Variants in STIM2 observed in about 807,000 individuals in gnomAD.
STIM2 encodes the protein stromal interaction molecule 2.
STIM2 carries 31 observed loss-of-function variants against 85.8 expected under a neutral mutation model. The ratio of observed to expected loss-of-function variants is 0.36; its 90% CI spans 0.27 to 0.49. STIM2 has a LOEUF of 0.49. STIM2 is among the 20% of genes least tolerant of loss of function. STIM2 has a pLI of 0.98. For missense variants in STIM2, 841 were observed against 927.6 expected, an observed-to-expected ratio of 0.91 and a Z score of 1.21; for synonymous variants, 356 against 331.1, an observed-to-expected ratio of 1.08 and a Z score of -0.82.
intron 1 of STIM2, among the ~76,000 whole-genome samples, chr4:26,916,268 T>C (rs1724576544): frequency 1.3e-5 from 2 of 152,178 alleles, no homozygotes; most frequent in African/African-American, 4.8e-5. Flanking sequence ...GAAATAAAAT[T>C]TCATGTGAAG....
chr4:26,904,534 A>G (rs1408482578), intron 1 of STIM2, among the ~76,000 whole-genome samples: 2 of 152,180 alleles, frequency 1.3e-5, no homozygotes, highest in Admixed American at 1.3e-4. Context: ...GCACGATAAC[A>G]TGAGAAATGA....
intron 2 of STIM2, among the ~76,000 whole-genome samples, chr4:26,920,189 C>G (rs1724746226): frequency 6.6e-6 from 1 of 152,156 alleles, no homozygotes; most frequent in African/African-American, 2.4e-5. Flanking sequence ...AGCTAGTGTT[C>G]CAAGAGGGTA....
intron 2 of STIM2, among the ~76,000 whole-genome samples, chr4:26,930,945 T>C (rs1725185573): frequency 6.6e-6 from 1 of 152,166 alleles, no homozygotes; most frequent in African/African-American, 2.4e-5. Flanking sequence ...TAGGTGGGTC[T>C]TCTGGCTCTG....
rs571902526 is a variant in STIM2, at chr4:26,922,738, T to G, written c.282+3104T>G. Among the ~76,000 whole-genome samples, 4 of 152,234 alleles carry G rather than the reference T, an allele frequency of 2.6e-5. No homozygotes were observed. In the South Asian group the frequency reaches 8.3e-4, roughly 32 times the overall value. ...TTAAAGTTACAACCCTCTAATTACT[T>G]GGTCTTTCTAGTAACCAGCTTTATC... is the stretch of plus-strand genomic sequence containing the variant. On this transcript the variant is annotated intron_variant, in intron 2 of 11. Transcript: ENST00000467087.
chr4:26,882,257 G>A (rs777841317), intron 1 of STIM2, among the ~76,000 whole-genome samples: 19 of 152,084 alleles, frequency 1.2e-4, no homozygotes, highest in Non-Finnish European at 2.1e-4. Flanking sequence ...ATCATGAAAA[G>A]GGTTGAGCTT....
intron 1 of STIM2, among the ~76,000 whole-genome samples, chr4:26,870,182 T>C (rs990380643): frequency 6.6e-6 from 1 of 152,100 alleles, no homozygotes; most frequent in African/African-American, 2.4e-5. Flanking sequence ...GATTCAGTTA[T>C]GCAACATAAA....
At chr4:26,893,064 C>A (rs1468695238) in intron 1 of STIM2, among the ~76,000 whole-genome samples, 3 of 152,172 alleles carry the variant, frequency 2.0e-5, no homozygotes, top group Admixed American at 6.5e-5. Context: ...AGAATCACTA[C>A]CCCTGCATCC....
chr4:26,962,634 C>G (rs1464337912), intron 3 of STIM2, among the ~76,000 whole-genome samples: 1 of 150,356 alleles, frequency 6.7e-6, no homozygotes, highest in Non-Finnish European at 1.5e-5. Context: ...AGAGAGAATG[C>G]TTGGTCAAGT....
chr4:27,002,363 G>T lies in STIM2; in HGVS notation c.772G>T (p.Ala258Ser). The change falls in exon 6 of 12, where the codon GCA (alanine) becomes TCA (serine). Residue 258 changes from alanine (A) to serine (S), a missense_variant. By Grantham distance (99) the Ala-to-Ser change is moderately conservative. Coordinates refer to ENST00000467087, the MANE Select transcript of STIM2 (RefSeq NM_020860.4). ...GAAAGATTTAGAGAGCTTACAAACT[G>T]CAGAGCAAAGTCTAATGGACTTACA... 1 of 1,611,972 alleles carries T rather than the reference G, an allele frequency of 6.2e-7. No individual in the cohort carries two copies. The highest frequency in any genetic ancestry group is 8.5e-7 in the Non-Finnish European group (1 of 1,179,444).
intron 2 of STIM2, among the ~76,000 whole-genome samples, chr4:26,931,579 T>C (rs1487416790): frequency 2.0e-5 from 3 of 152,150 alleles, no homozygotes. Flanking sequence ...AAGTTATCTA[T>C]TGAGTAGAGC....
rs1266544178 is a variant in STIM2 at position 27,025,118 on chromosome 4, A to T, written c.*2122A>T. ...GCATTGTTTGTGCTCAATTTCAGAC[A>T]CTCATTTATAAACAAATTCAACCAA... On this transcript the variant is annotated 3_prime_UTR_variant, in exon 12 of 12. Transcript: ENST00000467087. The T allele has an allele frequency of 2.0e-5, 3 of 152,076 alleles. No homozygotes were observed. The highest frequency in any genetic ancestry group is 7.2e-5 in the African/African-American group (3 of 41,390). 9.4% of individuals were successfully genotyped at this position (152,076 alleles called of 1,614,324 possible).
chr4:26,962,616 CTGTG>C (rs1726525949), intron 3 of STIM2, among the ~76,000 whole-genome samples: 1 of 117,368 alleles, frequency 8.5e-6, no homozygotes, highest in Non-Finnish European at 1.8e-5. Flanking sequence ...GTGTCTGTGT[CTGTG>C]TGTAGAGAGA....
chr4:26,876,690 G>C (rs1722827908), intron 1 of STIM2, among the ~76,000 whole-genome samples: 1 of 152,130 alleles, frequency 6.6e-6, no homozygotes, highest in Non-Finnish European at 1.5e-5. Context: ...TTTGGCCAAA[G>C]CAGTATAGTC....
At chr4:26,976,402 T>C (rs1391688620) in intron 3 of STIM2, among the ~76,000 whole-genome samples, 3 of 150,110 alleles carry the variant, frequency 2.0e-5, no homozygotes, top group Non-Finnish European at 4.4e-5. Flanking sequence ...TTTTTTTTTT[T>C]AGTGGCAAGA....
Position 26,870,988 on chromosome 4 carries a change from C to A in STIM2, c.151+9619C>A, listed in dbSNP as rs575832122. ...AGACAGAGAAAGGCATGGTGGAAAA[C>A]CATAGGTGTGAAGTGAGGAAGCTGG... On this transcript the variant is annotated intron_variant, in intron 1 of 11. Coordinates refer to ENST00000467087, the MANE Select transcript of STIM2 (RefSeq NM_020860.4). 1.5e-3 allele frequency among the ~76,000 whole-genome samples: 227 copies of A among 151,258 alleles called. 1 individual carries two copies. Among genetic ancestry groups the A allele is most frequent in the Middle Eastern group, 0.014 (4 of 294 alleles).
At chr4:26,906,442 T>G (rs911971563) in intron 1 of STIM2, among the ~76,000 whole-genome samples, 12 of 133,706 alleles carry the variant, frequency 9.0e-5, no homozygotes, top group Non-Finnish European at 1.3e-4. Flanking sequence ...GTTTGTTTGT[T>G]TTTTTTTTTT....
At chr4:26,935,854 T>A (rs1288900262) in intron 2 of STIM2, among the ~76,000 whole-genome samples, 2 of 152,218 alleles carry the variant, frequency 1.3e-5, no homozygotes, top group African/African-American at 4.8e-5. Flanking sequence ...TGCATTATAT[T>A]TTTACAGTTC....
At chr4:26,976,047 C>T (rs562264988) in intron 3 of STIM2, among the ~76,000 whole-genome samples, 5 of 152,328 alleles carry the variant, frequency 3.3e-5, no homozygotes, top group African/African-American at 4.8e-5. Flanking sequence ...GGTGTGGGAC[C>T]GCCGAACCAG....
intron 2 of STIM2, 51 bp downstream of exon 2, chr4:26,919,685 A>G: frequency 6.3e-7 from 1 of 1,583,594 alleles, no homozygotes; most frequent in South Asian, 1.2e-5. Flanking sequence ...GAATGACTGC[A>G]TTTCTGTTTC....
Sources: allele counts gnomAD v4.1 joint callset (sites outside exome capture counted in the v4.1 genomes callset), GRCh38; gene constraint gnomAD v4.1.1; transcripts MANE v1.5; gene names NCBI Gene and HGNC (gene_info 2026-07-23, HGNC 2026-07-21).